The following ELP4 variants were observed in gnomAD, a reference collection of about 807,000 sequenced individuals.
ELP4 encodes elongator acetyltransferase complex subunit 4, also known as elongator complex protein 4.
In ELP4, 51 loss-of-function variants were observed where a neutral mutation model predicts 48.9. That is an observed-to-expected ratio of 1.04 (90% CI 0.83 to 1.32). The LOEUF (loss-of-function observed/expected upper bound fraction) is 1.32, where lower values mean the gene tolerates loss of function less well. Among genes scored for constraint, ELP4 ranks in the 40% most tolerant of loss-of-function variants. The pLI is 0.00. For missense variants in ELP4, 519 were observed against 514.6 expected, an observed-to-expected ratio of 1.01 and a Z score of -0.08; for synonymous variants, 210 against 189.2, an observed-to-expected ratio of 1.11 and a Z score of -0.90.
chr11:31,710,842 A>C (rs1419427139), intron 9 of ELP4, among the ~76,000 whole-genome samples: 1 of 152,164 alleles, frequency 6.6e-6, no homozygotes, highest in Non-Finnish European at 1.5e-5. Flanking sequence ...ATACTATATC[A>C]TGTAAGTAAT....
At chr11:31,776,377 C>T (rs1948248550) in intron 9 of ELP4, among the ~76,000 whole-genome samples, 1 of 152,164 alleles carries the variant, frequency 6.6e-6, no homozygotes, top group Admixed American at 6.5e-5. Context: ...AGCACTTCTG[C>T]TCCAGATGAA....
chr11:31,549,922 TG>T (rs1956812586), intron 3 of ELP4, among the ~76,000 whole-genome samples: 1 of 151,738 alleles, frequency 6.6e-6, no homozygotes, highest in South Asian at 2.1e-4. Flanking sequence ...CACTCATAGG[TG>T]GGAATTGAAC....
chr11:31,537,837 C>T (rs1266954215), intron 2 of ELP4, among the ~76,000 whole-genome samples: 1 of 152,122 alleles, frequency 6.6e-6, no homozygotes, highest in Non-Finnish European at 1.5e-5. Flanking sequence ...GACACAGACC[C>T]AAACCATATC....
intron 3 of ELP4, among the ~76,000 whole-genome samples, chr11:31,573,276 A>AT (rs1957216377): frequency 6.6e-6 from 1 of 152,158 alleles, no homozygotes; most frequent in Admixed American, 6.5e-5. Flanking sequence ...TATCTTTAGC[A>AT]TATACCTCAA....
chr11:31,518,109 C>CT lies in ELP4; in HGVS notation c.224-1933dup, dbSNP rs111515643. Among the ~76,000 whole-genome samples, 180 of 142,666 alleles carry CT rather than the reference C, an allele frequency of 1.3e-3. 1 individual carries two copies. Among genetic ancestry groups the CT allele is most frequent in the South Asian group, 3.1e-3 (14 of 4,510 alleles). The allele number at this position is 142,666 out of a possible 152,430, so 93.6% of individuals were successfully genotyped here. A position where few individuals can be genotyped will look rare whatever the true frequency, so the allele number is the denominator to read the frequency against. On this transcript the variant is annotated intron_variant, in intron 1 of 9. Transcript: ENST00000640961. ...GCTAATTTCTTTAATTCTTTTTTTT[C>CT]TTTTTTTTTTTTTTGAGACAGAGTT...
At chr11:31,780,965 A>G (rs1299213869) in intron 9 of ELP4, among the ~76,000 whole-genome samples, 1 of 152,172 alleles carries the variant, frequency 6.6e-6, no homozygotes, top group African/African-American at 2.4e-5. Flanking sequence ...TCCCTACCCC[A>G]TAAAGCTTTT....
intron 9 of ELP4, among the ~76,000 whole-genome samples, chr11:31,738,723 A>G (rs1368382863): frequency 6.6e-6 from 1 of 152,076 alleles, no homozygotes; most frequent in Non-Finnish European, 1.5e-5. Context: ...CCTGGGCAAC[A>G]GAGTGAGACC....
At position 31,509,877 on chromosome 11, in the gene ELP4, G is replaced by A; in HGVS notation, c.93G>A (p.Arg31=). 6.2e-7 allele frequency: 1 copy of A among 1,614,186 alleles called. No homozygotes were observed. Among genetic ancestry groups the A allele is most frequent in the Non-Finnish European group, 8.5e-7 (1 of 1,180,040 alleles). Residue 31 remains arginine, a synonymous_variant, in exon 1 of 10, where the codon AGG becomes AGA. Transcript: ENST00000640961. ...AGAGCAACGTCACCAGTTTCCAGAGGAGGGGTCCTAGAGCCAGCGTGACCA... is the reference window on the plus strand; with the variant it reads ...AGAGCAACGTCACCAGTTTCCAGAGAAGGGGTCCTAGAGCCAGCGTGACCA... ...ASKSNVTSFQ[R]RGPRASVTND... is the part of the protein sequence containing the mutation.
At chr11:31,614,881 G>T (rs1003513755) in intron 5 of ELP4, among the ~76,000 whole-genome samples, 1 of 152,168 alleles carries the variant, frequency 6.6e-6, no homozygotes, top group African/African-American at 2.4e-5. Flanking sequence ...TATTGAAGGA[G>T]ACTGAAGAGA....
In ELP4 at chr11:31,554,378, T is replaced by G. The variant is rs970763115; in HGVS notation, c.381+14595T>G. Among the ~76,000 whole-genome samples, 12 of 152,170 alleles carry G rather than the reference T, an allele frequency of 7.9e-5. No homozygotes were observed. In the East Asian group the frequency reaches 1.5e-3, roughly 20 times the overall value. ...TTTTGTTTTAAAGTTGTTATTTTTC[T>G]CTGGCTTTCTTCCATCCTCTTCCCC... On this transcript the variant is annotated intron_variant, in intron 3 of 9. Coordinates refer to ENST00000640961, the MANE Select transcript of ELP4 (RefSeq NM_019040.5).
intron 9 of ELP4, among the ~76,000 whole-genome samples, chr11:31,688,278 T>C (rs764831865): frequency 6.6e-6 from 1 of 152,188 alleles, no homozygotes; most frequent in Non-Finnish European, 1.5e-5. Context: ...TTTACTGTAA[T>C]GCAAGGGAAT....
chr11:31,539,509 A>G (rs1464019226), intron 2 of ELP4, among the ~76,000 whole-genome samples, 153 bp from the exon 3 acceptor site: 1 of 152,214 alleles, frequency 6.6e-6, no homozygotes, highest in African/African-American at 2.4e-5. Context: ...TAGCCTATCT[A>G]TCTATGCCTC....
intron 7 of ELP4, among the ~76,000 whole-genome samples, chr11:31,643,841 A>T (rs1460766240): frequency 1.3e-5 from 2 of 151,616 alleles, no homozygotes; most frequent in Non-Finnish European, 2.9e-5. Context: ...TTTTTTTTGA[A>T]ATTAAAATTG....
Position 31,665,655 on chromosome 11 carries a change from CTTT to C in ELP4, c.1143+15455_1143+15457del, listed in dbSNP as rs71060496. Among the ~76,000 whole-genome samples, 505 of 79,646 alleles carry C rather than the reference CTTT, an allele frequency of 6.3e-3. 1 individual carries two copies. The highest frequency in any genetic ancestry group is 0.02 in the African/African-American group (480 of 23,932). The allele number at this position is 79,646 out of a possible 152,430, so 52.3% of individuals were successfully genotyped here. On this transcript the variant is annotated intron_variant, in intron 9 of 9. Coordinates refer to ENST00000640961, the MANE Select transcript of ELP4 (RefSeq NM_019040.5). ...TAAAAATGTTTAATCGTCTCTCTTCCTTTTTTTTTTTTTTTTTTTTTTTGAGAG... is the reference window on the plus strand; with the variant it reads ...TAAAAATGTTTAATCGTCTCTCTTCCTTTTTTTTTTTTTTTTTTTTGAGAG...
Position 31,583,241 on chromosome 11 carries a change from A to C in ELP4, c.382-11529A>C, listed in dbSNP as rs147764610. ...GTTGCCAGTTGTTATGATTTGTTAA[A>C]GCCATGTATGTGGTAGAATCTGTGA... On this transcript the variant is annotated intron_variant, in intron 3 of 9. Transcript: ENST00000640961. 8.4e-4 allele frequency among the ~76,000 whole-genome samples: 128 copies of C among 152,270 alleles called. 2 individuals are homozygous for C. The East Asian group carries it at 0.023, about 27-fold the overall frequency.
Position 31,682,207 on chromosome 11 carries a change from T to C in ELP4, c.1143+31986T>C, listed in dbSNP as rs531509620. 2.2e-3 allele frequency: 1,246 copies of C among 565,000 alleles called. 1 individual carries two copies. The highest frequency in any genetic ancestry group is 2.7e-3 in the Non-Finnish European group (1,150 of 426,854). The allele number at this position is 565,000 out of a possible 1,614,324, so 35.0% of individuals were successfully genotyped here. A position where few individuals can be genotyped will look rare whatever the true frequency, so the allele number is the denominator to read the frequency against. On this transcript the variant is annotated intron_variant, in intron 9 of 9. Transcript: ENST00000640961. ...GAAGAGCTGTACTTGATACTGTACT[T>C]GATATTTGCCAGGATCTGAATGATG...
intron 1 of ELP4, chr11:31,511,740 T>A (rs1956013723): frequency 6.6e-6 from 1 of 152,192 alleles, no homozygotes; most frequent in South Asian, 2.1e-4. Flanking sequence ...GATTTAACTA[T>A]CGTCTCTTAA....
chr11:31,733,493 A>AG (rs1947240530), intron 9 of ELP4, among the ~76,000 whole-genome samples: 1 of 151,000 alleles, frequency 6.6e-6, no homozygotes, highest in African/African-American at 2.4e-5. Flanking sequence ...AAAAAAAAAA[A>AG]AAGGAAAGGA....
At chr11:31,565,797 T>G (rs1212542952) in intron 3 of ELP4, among the ~76,000 whole-genome samples, 1 of 152,160 alleles carries the variant, frequency 6.6e-6, no homozygotes, top group Non-Finnish European at 1.5e-5. Flanking sequence ...TAGTTTGAAG[T>G]CAGGTAGCAT....
Sources: gnomAD v4.1 joint callset for allele counts (sites outside exome capture counted in the v4.1 genomes callset) on GRCh38, gnomAD v4.1.1 for gene constraint, MANE v1.5 for transcripts, NCBI Gene and HGNC (gene_info 2026-07-23, HGNC 2026-07-21) for gene names.